PGA5: variants seen among roughly 807,000 people sequenced by gnomAD.
PGA5 encodes pepsinogen A5.
Under a neutral mutation model 15.9 loss-of-function variants are expected in PGA5, and 19 were observed. That is an observed-to-expected ratio of 1.19 (90% CI 0.83 to 1.75). The LOEUF (loss-of-function observed/expected upper bound fraction) is 1.75, where lower values mean the gene tolerates loss of function less well. PGA5 is among the 40% of genes most tolerant of loss of function. PGA5 has a pLI of 0.00. For synonymous variants in PGA5, 92 were observed against 95.8 expected, an observed-to-expected ratio of 0.96 and a Z score of 0.23; for missense variants, 224 against 246.4, an observed-to-expected ratio of 0.91 and a Z score of 0.61.
intron 5 of PGA5, among the ~76,000 whole-genome samples, chr11:61,246,802 ATAAAG>A (rs1854071156): frequency 1.3e-5 from 2 of 151,602 alleles, no homozygotes; most frequent in Non-Finnish European, 2.9e-5. Context: ...AATAAATAAA[ATAAAG>A]TGACTATACT....
At chr11:61,247,091 C>T (rs1384500852) in intron 5 of PGA5, among the ~76,000 whole-genome samples, 1 of 151,934 alleles carries the variant, frequency 6.6e-6, no homozygotes, top group African/African-American at 2.4e-5. Context: ...TTCAGCTTTC[C>T]TCTAACACTC....
At chr11:61,250,818 G>A (rs961239127) in intron 8 of PGA5, 76 of 606,450 alleles carry the variant, frequency 1.3e-4, no homozygotes, top group Middle Eastern at 2.6e-4. Flanking sequence ...AGGATGTAGT[G>A]GCAGGGTTTT....
chr11:61,248,844 G>A lies in PGA5; in HGVS notation c.773+309G>A, dbSNP rs372872783. Among the ~76,000 whole-genome samples, 8 of 152,224 alleles carry A rather than the reference G, an allele frequency of 5.3e-5. No homozygotes were observed. In the South Asian group the frequency reaches 8.3e-4, roughly 16 times the overall value. ...AGAGCTGGGGGACCCACCTGTCCAC[G>A]CATCTCACAATTTAAGGGGGCTGTG... On this transcript the variant is annotated intron_variant, in intron 6 of 8. Transcript: ENST00000312403.
At position 61,251,252 on chromosome 11, in the gene PGA5, A is replaced by C. The variant is rs568628382; in HGVS notation, c.1138A>C (p.Asn380His). 3.7e-6 allele frequency: 6 copies of C among 1,611,734 alleles called. No individual in the cohort carries two copies. The highest frequency in any genetic ancestry group is 2.7e-5 in the African/African-American group (2 of 74,698). Residue 380 changes from asparagine (N) to histidine (H), a missense_variant, in exon 9 of 9, where the codon AAC (asparagine) becomes CAC (histidine). By Grantham distance (68) the Asn-to-His change is moderately conservative. Coordinates refer to ENST00000312403, the MANE Select transcript of PGA5 (RefSeq NM_014224.5). ...QYFTVFDRAN[N>H]QVGLAPVA The stretch of plus-strand genomic sequence containing the variant: ...CTTTACCGTCTTCGACAGGGCAAAC[A>C]ACCAGGTCGGCCTGGCCCCTGTGGC...
At chr11:61,251,058 T>A (rs1312342408) in intron 8 of PGA5, 74 bp from the exon 9 acceptor site, 35 of 1,610,940 alleles carry the variant, frequency 2.2e-5, no homozygotes, top group Non-Finnish European at 2.9e-5. Flanking sequence ...CAGGGCTCCC[T>A]GGATGTTTAT....
rs965868999 is a variant in PGA5, at chr11:61,251,255, C to T, written c.1141C>T (p.Gln381Ter). 2 of 1,611,852 alleles carry T rather than the reference C, an allele frequency of 1.2e-6. No individual in the cohort carries two copies. Among genetic ancestry groups the T allele is most frequent in the Non-Finnish European group, 1.7e-6 (2 of 1,179,852 alleles). Reference sequence around the variant, plus strand: ...TACCGTCTTCGACAGGGCAAACAACCAGGTCGGCCTGGCCCCTGTGGCTTA... The same window carrying T: ...TACCGTCTTCGACAGGGCAAACAACTAGGTCGGCCTGGCCCCTGTGGCTTA... ...YFTVFDRANN[Q>*]VGLAPVA The change falls in exon 9 of 9, where the codon CAG (glutamine) becomes TAG (stop). Residue 381 changes from glutamine (Q) to a stop codon, truncating the protein, a stop_gained. Coordinates refer to ENST00000312403, the MANE Select transcript of PGA5 (RefSeq NM_014224.5). LOFTEE classifies it high-confidence loss of function.
rs141863509 is a variant in PGA5, at chr11:61,249,966, C to T, written c.969C>T (p.Thr323=). Reference sequence around the variant, plus strand: ...GCAGCCTGCCCGACATCGTCTTCACCATCAATGGAGTCCAGTACCCCGTGC... The same window carrying T: ...GCAGCCTGCCCGACATCGTCTTCACTATCAATGGAGTCCAGTACCCCGTGC... ...AISSLPDIVF[T]INGVQYPVPP... Residue 323 remains threonine (T), a synonymous_variant, in exon 8 of 9, where the codon ACC becomes ACT. Transcript: ENST00000312403. 5.6e-5 allele frequency: 90 copies of T among 1,612,672 alleles called. No homozygotes were observed. The highest frequency in any genetic ancestry group is 2.0e-4 in the African/African-American group (15 of 74,378).
intron 5 of PGA5, among the ~76,000 whole-genome samples, chr11:61,247,891 G>C (rs991425410): frequency 2.0e-4 from 31 of 152,100 alleles, no homozygotes; most frequent in South Asian, 2.1e-4. Context: ...GTGCATTGTA[G>C]GATGTTTGGC....
At chr11:61,249,605 G>C (rs182884836) in intron 6 of PGA5, 64 bp from the exon 7 acceptor site, 8 of 1,613,082 alleles carry the variant, frequency 5.0e-6, no homozygotes, top group Middle Eastern at 1.7e-4. Flanking sequence ...CTCACCTCCT[G>C]GTTCCTCCTT....
intron 5 of PGA5, 31 bp from the exon 6 acceptor site, chr11:61,248,388 A>C (rs755111056): frequency 1.2e-6 from 2 of 1,613,784 alleles, no homozygotes; most frequent in Admixed American, 3.3e-5. Flanking sequence ...CGAACAAAAA[A>C]ATTCATGTCT....
rs1184379559 is a variant in PGA5 at position 61,250,813 on chromosome 11, GTA to G, written c.1018-318_1018-317del. The G allele has an allele frequency of 3.4e-3, 2,022 of 592,802 alleles. 29 individuals are homozygous for G. Among genetic ancestry groups the G allele is most frequent in the South Asian group, 0.018 (1,194 of 65,514 alleles). 36.7% of individuals were successfully genotyped at this position (592,802 alleles called of 1,614,324 possible). On this transcript the variant is annotated intron_variant, in intron 8 of 8. Coordinates refer to ENST00000312403, the MANE Select transcript of PGA5 (RefSeq NM_014224.5). Reference sequence around the variant, plus strand: ...ATAAGAATAATAATGAGAAAAGGATGTAGTGGCAGGGTTTTTAAACTCCTTCC... The same window carrying G: ...ATAAGAATAATAATGAGAAAAGGATGGTGGCAGGGTTTTTAAACTCCTTCC...
At chr11:61,246,200 T>A in intron 5 of PGA5, 55 bp downstream of exon 5, 1 of 306,562 alleles carries the variant, frequency 3.3e-6, no homozygotes, top group Non-Finnish European at 6.1e-6. Context: ...GGTCACAGTG[T>A]TCCTGCCCAG....
intron 5 of PGA5, among the ~76,000 whole-genome samples, chr11:61,246,661 G>A (rs1413460986): frequency 1.3e-5 from 2 of 151,890 alleles, no homozygotes; most frequent in Non-Finnish European, 1.5e-5. Context: ...TACTCAGGAG[G>A]CTGAGGCAGG....
At chr11:61,250,747 G>A (rs1232273187) in intron 8 of PGA5, 19 of 476,124 alleles carry the variant, frequency 4.0e-5, no homozygotes, top group Non-Finnish European at 7.9e-5. Flanking sequence ...GACTTAGTGA[G>A]GCAAGAGGGC....
rs563848604 is a variant in PGA5 at position 61,248,693 on chromosome 11, C to T, written c.773+158C>T. On this transcript the variant is annotated intron_variant, in intron 6 of 8. Transcript: ENST00000312403. ...GTGGAAGTTGGCCAAGCCAAAGAGA[C>T]CCCTAGAAAGACACCTCCCTGCAGG... 1.1e-3 allele frequency among the ~76,000 whole-genome samples: 162 copies of T among 152,156 alleles called. 2 individuals are homozygous for T. In the South Asian group the frequency reaches 0.033, roughly 31 times the overall value.
intron 5 of PGA5, 152 bp from the exon 6 acceptor site, chr11:61,248,267 C>T (rs747006577): frequency 5.7e-6 from 9 of 1,580,402 alleles, no homozygotes; most frequent in Non-Finnish European, 7.8e-6. Flanking sequence ...CTGCATGGGC[C>T]CTGGCCTAAG....
intron 6 of PGA5, 132 bp from the exon 7 acceptor site, chr11:61,249,537 G>A (rs1021825664): frequency 3.1e-5 from 47 of 1,519,218 alleles, no homozygotes; most frequent in Admixed American, 1.9e-4. Context: ...GTGCGTGAAC[G>A]AGAGGAACAG....
At chr11:61,249,250 C>T (rs1347050377) in intron 6 of PGA5, 3 of 357,516 alleles carry the variant, frequency 8.4e-6, no homozygotes, top group East Asian at 7.0e-5. Flanking sequence ...TGATGATGTC[C>T]TCCTTCTCTC....
intron 5 of PGA5, 170 bp from the exon 6 acceptor site, chr11:61,248,249 G>C (rs138076143): frequency 6.8e-7 from 1 of 1,469,748 alleles, no homozygotes; most frequent in Non-Finnish European, 9.5e-7. Context: ...CAACAGTGAC[G>C]GTGCCCACTG....
Sources: gnomAD v4.1 joint callset for allele counts (sites outside exome capture counted in the v4.1 genomes callset) on GRCh38, gnomAD v4.1.1 for gene constraint, MANE v1.5 for transcripts, NCBI Gene and HGNC (gene_info 2026-07-23, HGNC 2026-07-21) for gene names.